SAMD4A: variants seen among roughly 807,000 people sequenced by gnomAD.
The protein encoded by SAMD4A is sterile alpha motif domain containing 4A.
In SAMD4A, 33 loss-of-function variants were observed where a neutral mutation model predicts 81.3. That is an observed-to-expected ratio of 0.41 (90% CI 0.31 to 0.54). The LOEUF is 0.54. Among genes scored for constraint, SAMD4A ranks in the 20% least tolerant of loss-of-function variants. The probability of loss-of-function intolerance (pLI) is 0.37; values close to 1 mark genes in which losing one functional copy is unlikely to be tolerated. For missense variants in SAMD4A, 854 were observed against 951.1 expected (o/e 0.90, Z 1.34); for synonymous variants, 389 against 382.1 (o/e 1.02, Z -0.21).
intron 2 of SAMD4A, among the ~76,000 whole-genome samples, chr14:54,675,197 C>T (rs776128523): frequency 7.9e-5 from 12 of 151,976 alleles, no homozygotes; most frequent in Non-Finnish European, 1.5e-4. Flanking sequence ...GAAACCCCGT[C>T]TCTACTAAAA....
intron 6 of SAMD4A, among the ~76,000 whole-genome samples, chr14:54,752,188 C>A (rs923079840): frequency 6.6e-6 from 1 of 152,212 alleles, no homozygotes; most frequent in South Asian, 2.1e-4. Context: ...CCTACTGTCC[C>A]ATTTTATTTG....
intron 2 of SAMD4A, among the ~76,000 whole-genome samples, chr14:54,603,114 C>T (rs2034105492): frequency 6.6e-6 from 1 of 152,162 alleles, no homozygotes; most frequent in African/African-American, 2.4e-5. Flanking sequence ...GCGAGGCGGA[C>T]CATGTGACTT....
intron 2 of SAMD4A, among the ~76,000 whole-genome samples, chr14:54,697,478 C>A (rs891328048): frequency 6.6e-6 from 1 of 152,150 alleles, no homozygotes; most frequent in Non-Finnish European, 1.5e-5. Flanking sequence ...TCATTCTCTC[C>A]TTGAGGGTAG....
chr14:54,736,923 CAGTT>C (rs1166597933), intron 3 of SAMD4A, 97 bp from the exon 4 acceptor site: 3 of 1,335,074 alleles, frequency 2.2e-6, no homozygotes, highest in Non-Finnish European at 2.1e-6. Context: ...AGTTGTAAGA[CAGTT>C]AGTGGTATCT....
At chr14:54,737,350 TA>T (rs1594878612) in intron 4 of SAMD4A, 63 bp downstream of exon 4, 4 of 1,579,512 alleles carry the variant, frequency 2.5e-6, no homozygotes, top group East Asian at 4.5e-5. Flanking sequence ...GACCAGAGGG[TA>T]AAAAAAGAGA....
intron 2 of SAMD4A, among the ~76,000 whole-genome samples, chr14:54,634,548 G>T (rs936839426): frequency 6.6e-6 from 1 of 152,114 alleles, no homozygotes; most frequent in African/African-American, 2.4e-5. Context: ...GTTCACAATA[G>T]GGTCTGCGCT....
intron 10 of SAMD4A, among the ~76,000 whole-genome samples, chr14:54,775,526 C>T (rs2038820132): frequency 1.3e-5 from 2 of 152,226 alleles, no homozygotes; most frequent in South Asian, 2.1e-4. Flanking sequence ...TCAGTCCCAG[C>T]TCTGGTGGAG....
intron 3 of SAMD4A, among the ~76,000 whole-genome samples, chr14:54,735,603 G>T (rs2140920846): frequency 6.6e-6 from 1 of 152,312 alleles, no homozygotes; most frequent in South Asian, 2.1e-4. Context: ...GACCACAGAG[G>T]CCTGAGCTCC....
intron 11 of SAMD4A, among the ~76,000 whole-genome samples, chr14:54,779,060 T>C (rs747214084): frequency 4.0e-5 from 6 of 151,716 alleles, no homozygotes; most frequent in Non-Finnish European, 8.8e-5. Flanking sequence ...CGAAGGCTCA[T>C]CCTAGAGTCA....
rs1044874803 is a variant in SAMD4A at position 54,790,478 on chromosome 14, G to A, written c.*1534G>A. On this transcript the variant is annotated 3_prime_UTR_variant, in exon 13 of 13. Transcript: ENST00000554335. ...GAGAAACTGTGGTACCTACCACAAA[G>A]TAATAGCTCTGTTTATGAAGGGCAA... 6.6e-6 allele frequency: 1 copy of A among 152,234 alleles called. No homozygotes were observed. The highest frequency in any genetic ancestry group is 2.4e-5 in the African/African-American group (1 of 41,464). The allele number at this position is 152,234 out of a possible 1,614,324, so 9.4% of individuals were successfully genotyped here.
intron 2 of SAMD4A, among the ~76,000 whole-genome samples, chr14:54,584,026 T>C (rs2033547955): frequency 6.6e-6 from 1 of 152,240 alleles, no homozygotes; most frequent in South Asian, 2.1e-4. Context: ...AGTCTTTAAA[T>C]ACAGCTAGTC....
At chr14:54,734,829 A>T (rs2140917763) in intron 3 of SAMD4A, 1 of 152,374 alleles carries the variant, frequency 6.6e-6, no homozygotes, top group East Asian at 1.9e-4. Flanking sequence ...TCCCGTGGTT[A>T]GCGATTAGTT....
intron 2 of SAMD4A, among the ~76,000 whole-genome samples, chr14:54,670,765 A>C (rs1442809347): frequency 6.6e-6 from 1 of 152,236 alleles, no homozygotes; most frequent in East Asian, 1.9e-4. Context: ...ACAGAGGAGA[A>C]CTTAACTGCT....
At chr14:54,601,957 G>A (rs146875616) in intron 2 of SAMD4A, among the ~76,000 whole-genome samples, 360 of 152,302 alleles carry the variant, frequency 2.4e-3, no homozygotes, top group African/African-American at 8.1e-3. Flanking sequence ...AGAAAACTCC[G>A]AAGGCATCTG....
intron 2 of SAMD4A, chr14:54,696,775 A>G (rs1350826944): frequency 2.0e-5 from 3 of 152,230 alleles, no homozygotes; most frequent in Non-Finnish European, 2.9e-5. Flanking sequence ...TACAAATTAT[A>G]AATCATTAAC....
At chr14:54,723,304 G>T (rs2037310788) in intron 3 of SAMD4A, among the ~76,000 whole-genome samples, 1 of 152,140 alleles carries the variant, frequency 6.6e-6, no homozygotes, top group Admixed American at 6.5e-5. Flanking sequence ...TTTCCATGTG[G>T]TTGGGCAGGT....
chr14:54,748,834 A>G lies in SAMD4A; in HGVS notation c.999A>G (p.Lys333=). Residue 333 remains lysine, a synonymous_variant, in exon 5 of 13, where the codon AAA becomes AAG. Transcript: ENST00000554335. ...SGMKDVPAWL[K]SLRLHKYAAL... is the part of the protein sequence containing the mutation. ...CCACAGATGTTCCAGCCTGGCTGAA[A>G]AGCCTCCGCCTGCACAAATATGCCG... The G allele has an allele frequency of 6.4e-7, 1 of 1,553,170 alleles. No homozygotes were observed. The highest frequency in any genetic ancestry group is 8.7e-7 in the Non-Finnish European group (1 of 1,147,620).
At chr14:54,612,287 T>C (rs559240225) in intron 2 of SAMD4A, among the ~76,000 whole-genome samples, 33 of 152,348 alleles carry the variant, frequency 2.2e-4, no homozygotes, top group African/African-American at 6.3e-4. Context: ...TGTCCCTTAA[T>C]GTTCTTATTT....
intron 2 of SAMD4A, among the ~76,000 whole-genome samples, chr14:54,626,017 T>G (rs202126468): frequency 0.015 from 566 of 37,888 alleles, 4 homozygotes; most frequent in East Asian, 0.076. Flanking sequence ...TACTGCTAGG[T>G]GTGTGTGTGT....
Sources: allele counts gnomAD v4.1 joint callset (sites outside exome capture counted in the v4.1 genomes callset), GRCh38; gene constraint gnomAD v4.1.1; transcripts MANE v1.5; gene names NCBI Gene and HGNC (gene_info 2026-07-23, HGNC 2026-07-21).